Variants in CCBE1 observed in about 807,000 individuals in gnomAD.
CCBE1 encodes the protein collagen and calcium-binding EGF domain-containing protein 1.
In CCBE1, 37 loss-of-function variants were observed where a neutral mutation model predicts 50.0. The observed-to-expected ratio is 0.74, with a 90% CI of 0.57 to 0.97. CCBE1 has a LOEUF of 0.97. Among genes scored for constraint, CCBE1 ranks in the 50% least tolerant of loss-of-function variants. CCBE1 has a pLI of 0.00. For missense variants in CCBE1, 538 were observed against 523.8 expected, an observed-to-expected ratio of 1.03 and a Z score of -0.26; for synonymous variants, 234 against 203.7, an observed-to-expected ratio of 1.15 and a Z score of -1.27.
chr18:59,441,416 G>A (rs189676505), intron 7 of CCBE1, among the ~76,000 whole-genome samples: 20 of 151,764 alleles, frequency 1.3e-4, no homozygotes, highest in Middle Eastern at 3.4e-3. Flanking sequence ...AGGCTGAAGC[G>A]GCGGTTGCAG....
At chr18:59,613,187 G>C (rs1325703114) in intron 2 of CCBE1, among the ~76,000 whole-genome samples, 2 of 152,090 alleles carry the variant, frequency 1.3e-5, no homozygotes, top group African/African-American at 4.8e-5. Flanking sequence ...GGCATGGATG[G>C]GGTGGGGGGT....
intron 2 of CCBE1, among the ~76,000 whole-genome samples, chr18:59,624,618 T>C (rs2053755592): frequency 6.6e-6 from 1 of 152,110 alleles, no homozygotes; most frequent in South Asian, 2.1e-4. Flanking sequence ...ACAGGATGAC[T>C]AGGTCCAAAG....
chr18:59,539,817 T>A (rs545223547), intron 2 of CCBE1, among the ~76,000 whole-genome samples: 1 of 152,262 alleles, frequency 6.6e-6, no homozygotes, highest in East Asian at 1.9e-4. Flanking sequence ...AAATTTTCAA[T>A]TGGTCATGTT....
intron 7 of CCBE1, among the ~76,000 whole-genome samples, chr18:59,442,729 A>AAAAT (rs913397768): frequency 6.6e-6 from 1 of 152,122 alleles, no homozygotes; most frequent in Non-Finnish European, 1.5e-5. Flanking sequence ...CTCCATCTCA[A>AAAAT]AAATAAATAA....
At chr18:59,648,133 G>T (rs576020520) in intron 2 of CCBE1, among the ~76,000 whole-genome samples, 2 of 152,358 alleles carry the variant, frequency 1.3e-5, no homozygotes, top group South Asian at 4.1e-4. Context: ...AAAACACAGG[G>T]AGCTGTGGAC....
chr18:59,520,033 T>C (rs543514264), intron 2 of CCBE1, among the ~76,000 whole-genome samples: 19 of 152,336 alleles, frequency 1.2e-4, no homozygotes, highest in Non-Finnish European at 2.5e-4. Flanking sequence ...TTTGTCTATA[T>C]ATCTGTTTTG....
intron 9 of CCBE1, 22 bp downstream of exon 9, chr18:59,439,521 G>A (rs773222121): frequency 6.2e-7 from 1 of 1,614,088 alleles, no homozygotes; most frequent in South Asian, 1.1e-5. Context: ...TTTAGCTTGT[G>A]AGGACCACTC....
chr18:59,527,388 T>C (rs561231460), intron 2 of CCBE1, among the ~76,000 whole-genome samples: 9 of 152,352 alleles, frequency 5.9e-5, no homozygotes, highest in African/African-American at 2.2e-4. Context: ...CCTACATGTG[T>C]CTTTGCACAG....
At chr18:59,460,971 T>A (rs998963007) in intron 5 of CCBE1, among the ~76,000 whole-genome samples, 2 of 96,206 alleles carry the variant, frequency 2.1e-5, no homozygotes, top group Non-Finnish European at 4.8e-5. Context: ...AAATAAATAA[T>A]AAAATAAAAA....
At chr18:59,665,438 T>A in intron 2 of CCBE1, among the ~76,000 whole-genome samples, 1 of 152,220 alleles carries the variant, frequency 6.6e-6, no homozygotes, top group East Asian at 1.9e-4. Context: ...AAATAAGTGT[T>A]GGGTAATCAT....
intron 2 of CCBE1, among the ~76,000 whole-genome samples, chr18:59,562,848 C>T (rs954693076): frequency 3.9e-5 from 6 of 152,124 alleles, no homozygotes; most frequent in Non-Finnish European, 7.3e-5. Flanking sequence ...TCTATGTCCT[C>T]TGTGCCATCA....
At chr18:59,519,528 T>C (rs1468905012) in intron 2 of CCBE1, among the ~76,000 whole-genome samples, 1 of 152,130 alleles carries the variant, frequency 6.6e-6, no homozygotes, top group Non-Finnish European at 1.5e-5. Flanking sequence ...AAAATAGCAC[T>C]CATTTGCTTG....
intron 2 of CCBE1, among the ~76,000 whole-genome samples, chr18:59,483,718 C>T (rs584125): frequency 0.27 from 40,719 of 152,086 alleles, 5,782 homozygotes; most frequent in African/African-American, 0.31. Context: ...CCACTTCATT[C>T]CTCTCCCTGT....
chr18:59,660,406 A>C (rs995000984), intron 2 of CCBE1, among the ~76,000 whole-genome samples: 1 of 152,178 alleles, frequency 6.6e-6, no homozygotes, highest in Admixed American at 6.5e-5. Flanking sequence ...TTAGCAAGGC[A>C]AAAGAGTTTC....
intron 1 of CCBE1, 27 bp from the exon 2 acceptor site, chr18:59,696,736 C>A (rs768358484): frequency 6.2e-6 from 10 of 1,609,654 alleles, no homozygotes; most frequent in Admixed American, 3.3e-5. Context: ...AGGAAATGTT[C>A]GATTCTCAGC....
At chr18:59,628,981 T>G (rs957482832) in intron 2 of CCBE1, among the ~76,000 whole-genome samples, 1 of 152,308 alleles carries the variant, frequency 6.6e-6, no homozygotes, top group Non-Finnish European at 1.5e-5. Flanking sequence ...TCATTATCAC[T>G]GCCACAGCCT....
At chr18:59,611,137 G>T (rs1056992077) in intron 2 of CCBE1, among the ~76,000 whole-genome samples, 1 of 152,218 alleles carries the variant, frequency 6.6e-6, no homozygotes, top group Non-Finnish European at 1.5e-5. Context: ...CTCACCACCG[G>T]CTCTGCCTAT....
At chr18:59,484,663 A>C (rs1912729101) in intron 2 of CCBE1, among the ~76,000 whole-genome samples, 1 of 152,250 alleles carries the variant, frequency 6.6e-6, no homozygotes, top group Non-Finnish European at 1.5e-5. Context: ...ATGGGCATGC[A>C]TCATTTACAT....
intron 2 of CCBE1, among the ~76,000 whole-genome samples, chr18:59,673,535 G>C (rs2054461550): frequency 6.6e-6 from 1 of 152,184 alleles, no homozygotes; most frequent in African/African-American, 2.4e-5. Context: ...AACATAGTAA[G>C]TGCTCGGCAC....
Sources: allele counts gnomAD v4.1 joint callset (sites outside exome capture counted in the v4.1 genomes callset), GRCh38; gene constraint gnomAD v4.1.1; transcripts MANE v1.5; gene names NCBI Gene and HGNC (gene_info 2026-07-23, HGNC 2026-07-21).